LPAR4: variants seen among roughly 807,000 people sequenced by gnomAD.
LPAR4 encodes the protein lysophosphatidic acid receptor 4.
Under a neutral mutation model 9.2 loss-of-function variants are expected in LPAR4, and 14 were observed. That is an observed-to-expected ratio of 1.51 (90% confidence interval 1.00 to 2.37). The LOEUF (loss-of-function observed/expected upper bound fraction) is 2.37. Among genes scored for constraint, LPAR4 ranks in the 30% most tolerant of loss-of-function variants. The pLI is 0.00. For missense variants in LPAR4, 251 were observed against 272.1 expected (o/e 0.92, Z 0.55); for synonymous variants, 131 against 97.9 (o/e 1.34, Z -1.99).
intron 1 of LPAR4, chrX:78,749,373 A>G (rs988766521): frequency 5.4e-5 from 6 of 112,033 alleles, no homozygotes; most frequent in African/African-American, 1.6e-4. Context: ...TGGGAGCCCA[A>G]TAAAAGGTTA....
intron 1 of LPAR4, among the ~76,000 whole-genome samples, chrX:78,749,516 G>A (rs896202546): frequency 1.8e-5 from 2 of 111,116 alleles, no homozygotes; most frequent in Non-Finnish European, 3.8e-5. Context: ...ATTCTGAGGG[G>A]TGAAGTGACC....
Position 78,755,817 on chromosome X carries a change from A to G in LPAR4, c.948A>G (p.Glu316=). The part of the protein sequence containing the change: ...FDPFIYYFTL[E]SFQKSFYINA... ...CTTTCATCTATTACTTCACCCTTGA[A>G]TCCTTTCAGAAGTCCTTCTACATCA... The change falls in exon 5 of 5, where the codon GAA becomes GAG. Residue 316 remains glutamate, a synonymous_variant. Transcript: ENST00000614823. 1 of 1,210,431 alleles carries G rather than the reference A, an allele frequency of 8.3e-7. No homozygotes were observed. The highest frequency in any genetic ancestry group is 1.7e-5 in the African/African-American group (1 of 57,673).
At chrX:78,754,665 A>G (rs1219431319) in intron 4 of LPAR4, 126 bp from the exon 5 acceptor site, 1 of 391,879 alleles carries the variant, frequency 2.6e-6, no homozygotes, top group Non-Finnish European at 4.4e-6. Flanking sequence ...GATGTTCAAA[A>G]AATACTTGTC....
In LPAR4 at chrX:78,756,684, C is replaced by T. The variant is rs939440769; in HGVS notation, c.*702C>T. The stretch of plus-strand genomic sequence containing the variant: ...AGCCAGAAAGCTGCTAAATACGTGT[C>T]TGGCAGGTAAAAGCTGGAAAATTAC... On this transcript the variant is annotated 3_prime_UTR_variant, in exon 5 of 5. Coordinates refer to ENST00000614823, the MANE Select transcript of LPAR4 (RefSeq NM_001278000.3). 6.5e-5 allele frequency: 8 copies of T among 122,464 alleles called. No individual in the cohort carries two copies. The highest frequency in any genetic ancestry group is 2.6e-4 in the African/African-American group (8 of 30,634). The allele number at this position is 122,464 out of a possible 1,213,427, so 10.1% of individuals were successfully genotyped here. A position where few individuals can be genotyped will look rare whatever the true frequency, so the allele number is the denominator to read the frequency against.
intron 2 of LPAR4, among the ~76,000 whole-genome samples, chrX:78,750,509 G>C (rs1035232513): frequency 1.8e-5 from 2 of 111,538 alleles, no homozygotes; most frequent in African/African-American, 6.5e-5. Context: ...ATTTTGTGCA[G>C]AGTTTGAATT....
chrX:78,749,165 A>G (rs1467195233), intron 1 of LPAR4: 3 of 112,069 alleles, frequency 2.7e-5, no homozygotes, highest in Non-Finnish European at 5.6e-5. Flanking sequence ...GGCCAAGCTT[A>G]GCTAAAGCTT....
Position 78,755,933 on chromosome X carries a change from A to T in LPAR4, c.1064A>T (p.Asp355Val), listed in dbSNP as rs781703995. The T allele has an allele frequency of 3.3e-6, 4 of 1,208,130 alleles. No homozygotes were observed. Among genetic ancestry groups the T allele is most frequent in the Non-Finnish European group, 4.5e-6 (4 of 892,773 alleles). Residue 355 changes from aspartate to valine, a missense_variant, in exon 5 of 5, where the codon GAT (aspartate) becomes GTT (valine). By Grantham distance (152) the Asp-to-Val change is radical (BLOSUM62 -3). Transcript: ENST00000614823. Reference protein sequence around the residue: ...SLPAIQEEVSDQTTNNGGELM... With the variant: ...SLPAIQEEVSVQTTNNGGELM... ...CCAGCTATTCAAGAGGAAGTGAGTG[A>T]TCAAACAACAAATAATGGTGGTGAA...
At position 78,755,602 on chromosome X, in the gene LPAR4, A is replaced by G. The variant is rs767154563; in HGVS notation, c.733A>G (p.Lys245Glu). 2.5e-6 allele frequency: 3 copies of G among 1,210,995 alleles called. No individual in the cohort carries two copies. Among genetic ancestry groups the G allele is most frequent in the South Asian group, 3.5e-5 (2 of 56,962 alleles). Reference sequence around the variant, plus strand: ...TCTGTCTCAAATTGGGACCAATAAGAAAAAAGTACTGAAAATGATCACAGT... The same window carrying G: ...TCTGTCTCAAATTGGGACCAATAAGGAAAAAGTACTGAAAATGATCACAGT... ...ATLSQIGTNK[K>E]KVLKMITVHM... is the part of the protein sequence containing the mutation. The change falls in exon 5 of 5, where the codon AAA becomes GAA. Residue 245 changes from lysine to glutamate, a missense_variant. Lys to Glu is a moderately conservative substitution (Grantham distance 56). Coordinates refer to ENST00000614823, the MANE Select transcript of LPAR4 (RefSeq NM_001278000.3).
Position 78,754,939 on chromosome X carries a change from A to G in LPAR4, c.70A>G (p.Asn24Asp). 1.7e-6 allele frequency: 2 copies of G among 1,205,612 alleles called. No homozygotes were observed. Among genetic ancestry groups the G allele is most frequent in the Non-Finnish European group, 2.2e-6 (2 of 890,818 alleles). ...SNSSLRPRLG[N>D]ATANNTCIVD... ...TTCAAGCCTCAGACCCAGGTTGGGC[A>G]ATGCTACTGCCAATAATACTTGCAT... The change falls in exon 5 of 5, where the codon AAT (asparagine) becomes GAT (aspartate). Residue 24 changes from asparagine to aspartate, a missense_variant. Transcript: ENST00000614823.
intron 4 of LPAR4, among the ~76,000 whole-genome samples, chrX:78,753,096 C>G (rs181030892): frequency 9.0e-6 from 1 of 111,625 alleles, no homozygotes; most frequent in African/African-American, 3.2e-5. Flanking sequence ...CTCTCTGACA[C>G]CCTTAGGTGA....
At position 78,755,069 on chromosome X, in the gene LPAR4, G is replaced by T; in HGVS notation, c.200G>T (p.Arg67Leu). The part of the protein sequence containing the change: ...NSVSLFVFCF[R>L]MKMRSETAIF... ...GTCTCTCTGTTTGTCTTCTGTTTCCGCATGAAAATGAGAAGTGAGACTGCT... is the reference window on the plus strand; with the variant it reads ...GTCTCTCTGTTTGTCTTCTGTTTCCTCATGAAAATGAGAAGTGAGACTGCT... The change falls in exon 5 of 5, where the codon CGC (arginine) becomes CTC (leucine). Residue 67 changes from arginine to leucine, a missense_variant. Coordinates refer to ENST00000614823, the MANE Select transcript of LPAR4 (RefSeq NM_001278000.3). 2 of 1,208,321 alleles carry T rather than the reference G, an allele frequency of 1.7e-6. No homozygotes were observed. The highest frequency in any genetic ancestry group is 1.8e-5 in the South Asian group (1 of 56,753).
intron 4 of LPAR4, among the ~76,000 whole-genome samples, chrX:78,752,332 A>C (rs186718906): frequency 8.9e-6 from 1 of 112,145 alleles, no homozygotes; most frequent in East Asian, 2.8e-4. Flanking sequence ...GAACACTGAT[A>C]TAAAACCTGT....
In LPAR4 at chrX:78,755,673, C is replaced by T; in HGVS notation, c.804C>T (p.Val268=). 8.3e-7 allele frequency: 1 copy of T among 1,209,030 alleles called. No individual in the cohort carries two copies. Among genetic ancestry groups the T allele is most frequent in the Non-Finnish European group, 1.1e-6 (1 of 893,443 alleles). The change falls in exon 5 of 5, where the codon GTC becomes GTT. Residue 268 remains valine, a synonymous_variant. Transcript: ENST00000614823. ...FVVCFVPYNS[V]LFLYALVRSQ... ...TATGCTTTGTACCCTACAACTCTGT[C>T]CTCTTCTTGTATGCCCTGGTGCGCT...
intron 4 of LPAR4, among the ~76,000 whole-genome samples, chrX:78,754,431 T>C (rs770153318): frequency 1.4e-4 from 16 of 111,796 alleles, no homozygotes; most frequent in Non-Finnish European, 3.0e-4. Context: ...GTACTTATTG[T>C]AGAAGATAAG....
chrX:78,754,170 A>G (rs1301200792), intron 4 of LPAR4, among the ~76,000 whole-genome samples: 2 of 112,004 alleles, frequency 1.8e-5, no homozygotes, highest in Admixed American at 1.9e-4. Flanking sequence ...ATGTAGTTCA[A>G]TTATGATTTG....
In LPAR4 at chrX:78,755,342, T is replaced by C. The variant is rs1183579666; in HGVS notation, c.473T>C (p.Val158Ala). Residue 158 changes from valine (V) to alanine (A), a missense_variant, in exon 5 of 5, where the codon GTG becomes GCG. By Grantham distance (64) the Val-to-Ala change is moderately conservative. Coordinates refer to ENST00000614823, the MANE Select transcript of LPAR4 (RefSeq NM_001278000.3). ...TIRTRRNSAI[V>A]CAGVWILVLS... ...AGGACTAGGAGGAATTCTGCCATTG[T>C]GTGTGCTGGTGTCTGGATCCTAGTC... 3 of 1,210,715 alleles carry C rather than the reference T, an allele frequency of 2.5e-6. No homozygotes were observed. Among genetic ancestry groups the C allele is most frequent in the Non-Finnish European group, 3.4e-6 (3 of 894,897 alleles).
intron 1 of LPAR4, chrX:78,749,328 C>G (rs1924958220): frequency 9.0e-6 from 1 of 111,601 alleles, no homozygotes; most frequent in African/African-American, 3.3e-5. Flanking sequence ...AAGAACAAAA[C>G]CTGTAATGTG....
intron 4 of LPAR4, among the ~76,000 whole-genome samples, chrX:78,752,663 A>T (rs1006054386): frequency 9.0e-6 from 1 of 111,593 alleles, no homozygotes; most frequent in South Asian, 3.8e-4. Context: ...AAGCAAAAAT[A>T]ATTTTAGTAT....
rs369088196 is a variant in LPAR4 at position 78,749,855 on chromosome X, G to T, written c.-294-319G>T. ...AATGATGGAAAAGAACAGCCAGTAA[G>T]GCCACCAGCATGGCACTCATTGAAG... On this transcript the variant is annotated intron_variant, in intron 1 of 4. Transcript: ENST00000614823. Among the ~76,000 whole-genome samples, 11 of 111,459 alleles carry T rather than the reference G, an allele frequency of 9.9e-5. No homozygotes were observed. In the East Asian group the frequency reaches 2.8e-3, roughly 29 times the overall value.
Sources: gnomAD v4.1 joint callset for allele counts (sites outside exome capture counted in the v4.1 genomes callset) on GRCh38, gnomAD v4.1.1 for gene constraint, MANE v1.5 for transcripts, NCBI Gene and HGNC (gene_info 2026-07-23, HGNC 2026-07-21) for gene names.